Variants in SMIM35 observed in about 807,000 individuals in gnomAD.
The protein encoded by SMIM35 is small integral membrane protein 35.
At chr11:118,062,099 G>A (rs1944402179) in intron 1 of SMIM35, among the ~76,000 whole-genome samples, 1 of 152,220 alleles carries the variant, frequency 6.6e-6, no homozygotes, top group Non-Finnish European at 1.5e-5. Context: ...GGAGGCCAAG[G>A]CAGGTGGATC....
At chr11:118,025,563 C>T (rs1297311344) in intron 1 of SMIM35, 11 of 454,388 alleles carry the variant, frequency 2.4e-5, no homozygotes, top group South Asian at 9.4e-5. Context: ...AGCATTTTTT[C>T]GTGTTTGTTG....
chr11:118,084,540 C>G (rs1250655007), intron 1 of SMIM35, among the ~76,000 whole-genome samples: 2 of 152,218 alleles, frequency 1.3e-5, no homozygotes, highest in Non-Finnish European at 2.9e-5. Flanking sequence ...GCCACACCAG[C>G]CCAGCAAGGC....
intron 1 of SMIM35, among the ~76,000 whole-genome samples, chr11:118,018,113 G>A (rs767666466): frequency 2.0e-5 from 3 of 152,124 alleles, no homozygotes; most frequent in South Asian, 4.1e-4. Context: ...TACAAATGAG[G>A]CAGGAGCATG....
At chr11:118,040,914 AAT>A (rs1943989490) in intron 1 of SMIM35, among the ~76,000 whole-genome samples, 1 of 151,918 alleles carries the variant, frequency 6.6e-6, no homozygotes, top group African/African-American at 2.4e-5. Flanking sequence ...TTGTAACATT[AAT>A]AGATGTGACA....
intron 1 of SMIM35, among the ~76,000 whole-genome samples, chr11:118,073,982 G>A (rs1181738793): frequency 6.6e-6 from 1 of 152,222 alleles, no homozygotes; most frequent in East Asian, 1.9e-4. Flanking sequence ...TCAGCTGGAC[G>A]AGACCTGTTG....
intron 1 of SMIM35, among the ~76,000 whole-genome samples, chr11:118,035,858 T>A (rs929831854): frequency 6.7e-6 from 1 of 150,220 alleles, no homozygotes; most frequent in African/African-American, 2.4e-5. Flanking sequence ...ATATAGGGAC[T>A]ATCATTAGTA....
At chr11:118,048,534 GAAA>G in intron 1 of SMIM35, among the ~76,000 whole-genome samples, 1 of 117,712 alleles carries the variant, frequency 8.5e-6, no homozygotes, top group Middle Eastern at 4.0e-3. Context: ...AAGGAAGAAA[GAAA>G]GAAGGAAGGA....
At chr11:118,034,134 TG>T (rs2058339892) in intron 1 of SMIM35, among the ~76,000 whole-genome samples, 1 of 151,768 alleles carries the variant, frequency 6.6e-6, no homozygotes, top group Non-Finnish European at 1.5e-5. Flanking sequence ...CCAGGCATGA[TG>T]ACAAGCACCT....
chr11:118,018,580 G>A (rs2058201584), intron 1 of SMIM35, among the ~76,000 whole-genome samples: 1 of 152,204 alleles, frequency 6.6e-6, no homozygotes, highest in African/African-American at 2.4e-5. Flanking sequence ...GCGTCATAGT[G>A]ATACTGGTGG....
intron 1 of SMIM35, among the ~76,000 whole-genome samples, chr11:118,033,393 A>G (rs2058333918): frequency 6.6e-6 from 1 of 152,200 alleles, no homozygotes; most frequent in Non-Finnish European, 1.5e-5. Flanking sequence ...AAGTCCTTTG[A>G]CAAGCATCAG....
chr11:118,036,150 G>A (rs1172433633), intron 1 of SMIM35, among the ~76,000 whole-genome samples: 1 of 152,032 alleles, frequency 6.6e-6, no homozygotes, highest in African/African-American at 2.4e-5. Flanking sequence ...GCCTCCCAAA[G>A]TGCTGGGATT....
At chr11:118,038,720 C>T (rs969796917) in intron 1 of SMIM35, among the ~76,000 whole-genome samples, 7 of 151,630 alleles carry the variant, frequency 4.6e-5, no homozygotes, top group Admixed American at 4.6e-4. Context: ...AACAGGGGAC[C>T]TGAACTACTC....
intron 1 of SMIM35, among the ~76,000 whole-genome samples, chr11:118,077,473 A>G (rs186997959): frequency 1.3e-5 from 2 of 152,202 alleles, no homozygotes; most frequent in Non-Finnish European, 2.9e-5. Flanking sequence ...TACACGTCTC[A>G]TACCCACCTG....
chr11:118,064,467 A>G (rs1944438058), intron 1 of SMIM35, among the ~76,000 whole-genome samples: 1 of 152,176 alleles, frequency 6.6e-6, no homozygotes, highest in Non-Finnish European at 1.5e-5. Flanking sequence ...TTTCTTTTTA[A>G]GAGAAGAAAT....
chr11:118,027,334 T>C (rs1419504376), intron 1 of SMIM35, among the ~76,000 whole-genome samples: 1 of 152,018 alleles, frequency 6.6e-6, no homozygotes, highest in African/African-American at 2.4e-5. Context: ...GCCCACTTTT[T>C]TTTTTGCGTG....
At chr11:118,071,286 G>C (rs908531931) in intron 1 of SMIM35, among the ~76,000 whole-genome samples, 4 of 152,202 alleles carry the variant, frequency 2.6e-5, no homozygotes, top group Non-Finnish European at 4.4e-5. Context: ...TCAGGGTTGG[G>C]ATCCAGGTTT....
chr11:118,048,946 C>CAAAAAAAAGAAAAAA lies in SMIM35; in HGVS notation c.8-33138_8-33137insTTTTTTCTTTTTTTT, dbSNP rs1944158599. 5.0e-5 allele frequency among the ~76,000 whole-genome samples: 3 copies of CAAAAAAAAGAAAAAA among 60,490 alleles called. 1 individual carries two copies. The highest frequency in any genetic ancestry group is 7.3e-5 in the African/African-American group (1 of 13,712). The allele number at this position is 60,490 out of a possible 152,430, so 39.7% of individuals were successfully genotyped here. On this transcript the variant is annotated intron_variant, in intron 1 of 4. Coordinates refer to ENST00000689828, the MANE Select transcript of SMIM35 (RefSeq NM_001394165.1). Reference sequence around the variant, plus strand: ...GCCTATCGCCTAGGCTGAAGAGCTGCAAAAAAAAAAAAAAAAAAGCAAGTG... The same window carrying CAAAAAAAAGAAAAAA: ...GCCTATCGCCTAGGCTGAAGAGCTGCAAAAAAAAGAAAAAAAAAAAAAAAAAAAAAAAAGCAAGTG...
chr11:118,006,860 G>C (rs958298377), intron 4 of SMIM35, among the ~76,000 whole-genome samples: 36 of 152,266 alleles, frequency 2.4e-4, no homozygotes, highest in African/African-American at 8.4e-4. Context: ...GGAACTCAGG[G>C]CTATAGACCA....
intron 1 of SMIM35, among the ~76,000 whole-genome samples, chr11:118,053,358 C>T (rs1944253598): frequency 6.9e-6 from 1 of 144,412 alleles, no homozygotes; most frequent in South Asian, 2.2e-4. Flanking sequence ...ACACACAAAG[C>T]TTACTAGCTC....
Sources: gnomAD v4.1 joint callset for allele counts (sites outside exome capture counted in the v4.1 genomes callset) on GRCh38, gnomAD v4.1.1 for gene constraint, MANE v1.5 for transcripts, NCBI Gene and HGNC (gene_info 2026-07-23, HGNC 2026-07-21) for gene names.